SEMA6D: variants seen among roughly 807,000 people sequenced by gnomAD.
The protein encoded by SEMA6D is semaphorin 6D, also known as semaphorin-6D.
A neutral mutation model predicts 106.6 loss-of-function variants in SEMA6D; 35 were observed. The observed-to-expected ratio is 0.33, with a 90% CI of 0.25 to 0.44. The LOEUF is 0.44. Ranked by LOEUF, SEMA6D falls within the 20% of genes least tolerant of loss-of-function variation. The pLI, the probability that SEMA6D is intolerant of heterozygous loss-of-function variation, is 1.00. For synonymous variants in SEMA6D, 499 were observed against 487.7 expected (o/e 1.02, Z -0.31); for missense variants, 1,185 against 1,345.9 (o/e 0.88, Z 1.87).
intron 4 of SEMA6D, among the ~76,000 whole-genome samples, chr15:47,692,069 C>T: frequency 6.6e-6 from 1 of 152,170 alleles, no homozygotes; most frequent in Non-Finnish European, 1.5e-5. Flanking sequence ...GGGAAAAGAG[C>T]CCAGGATGTT....
At chr15:47,746,759 C>T (rs2081152788) in intron 1 of SEMA6D, among the ~76,000 whole-genome samples, 1 of 152,142 alleles carries the variant, frequency 6.6e-6, no homozygotes, top group Non-Finnish European at 1.5e-5. Context: ...TGGGTCATCC[C>T]TTGGAACCTT....
intron 1 of SEMA6D, among the ~76,000 whole-genome samples, chr15:47,222,207 C>T (rs1470721287): frequency 6.6e-6 from 1 of 152,172 alleles, no homozygotes; most frequent in Non-Finnish European, 1.5e-5. Context: ...TCACAAAATA[C>T]ACTTAGGAAT....
chr15:47,224,003 G>C (rs949968419), intron 1 of SEMA6D, among the ~76,000 whole-genome samples: 4 of 151,910 alleles, frequency 2.6e-5, no homozygotes, highest in Admixed American at 6.6e-5. Flanking sequence ...GTTAACAGAA[G>C]AAAAGATGAA....
At chr15:47,636,579 C>T (rs753802937) in intron 4 of SEMA6D, among the ~76,000 whole-genome samples, 3 of 152,174 alleles carry the variant, frequency 2.0e-5, no homozygotes, top group Non-Finnish European at 4.4e-5. Context: ...ATTACCCACA[C>T]CCTAGACATT....
At chr15:47,319,098 A>AG (rs1351867105) in intron 1 of SEMA6D, among the ~76,000 whole-genome samples, 2 of 151,972 alleles carry the variant, frequency 1.3e-5, no homozygotes, top group African/African-American at 2.4e-5. Context: ...AAGCTCAAAG[A>AG]TTGTTTCGTC....
intron 4 of SEMA6D, among the ~76,000 whole-genome samples, chr15:47,689,392 A>G (rs1212058502): frequency 1.3e-5 from 2 of 152,248 alleles, no homozygotes; most frequent in Non-Finnish European, 2.9e-5. Context: ...TCTTTCATAA[A>G]TAAACACATA....
intron 1 of SEMA6D, among the ~76,000 whole-genome samples, chr15:47,383,879 A>G (rs1202237894): frequency 1.3e-5 from 2 of 152,144 alleles, no homozygotes; most frequent in African/African-American, 4.8e-5. Flanking sequence ...ACAATTGTTC[A>G]TTGTTCTCAA....
intron 4 of SEMA6D, among the ~76,000 whole-genome samples, chr15:47,659,846 C>T (rs1370642811): frequency 6.6e-6 from 1 of 151,830 alleles, no homozygotes; most frequent in East Asian, 1.9e-4. Context: ...ATTTTTATAC[C>T]CACAAATTAG....
At position 47,462,595 on chromosome 15, in the gene SEMA6D, A is replaced by G. The variant is rs146374601; in HGVS notation, c.-158-7879A>G. Among the ~76,000 whole-genome samples the G allele has an allele frequency of 1.3e-3, 201 of 152,264 alleles. 1 individual carries two copies. The highest frequency in any genetic ancestry group is 4.7e-3 in the African/African-American group (197 of 41,572). ...ATCAGAGATTAAATCGTTGACTGTA[A>G]TGAACTAGAGTTAAAACTACTAGGT... On this transcript the variant is annotated intron_variant, in intron 2 of 19. Coordinates refer to the SEMA6D transcript ENST00000558014.
chr15:47,405,935 A>G (rs1269877853), intron 1 of SEMA6D, among the ~76,000 whole-genome samples: 2 of 152,232 alleles, frequency 1.3e-5, no homozygotes, highest in Non-Finnish European at 2.9e-5. Context: ...ATATGTATGC[A>G]GAGCCACATG....
chr15:47,306,031 G>C (rs1223489310), intron 1 of SEMA6D, among the ~76,000 whole-genome samples: 2 of 151,698 alleles, frequency 1.3e-5, no homozygotes, highest in Non-Finnish European at 2.9e-5. Context: ...TGCCAGGCTA[G>C]AGTGCAGTGG....
Position 47,187,922 on chromosome 15 carries a change from T to C in SEMA6D, c.-239+3504T>C, listed in dbSNP as rs146169544. 2.8e-3 allele frequency among the ~76,000 whole-genome samples: 430 copies of C among 152,290 alleles called. 3 individuals are homozygous for C. Among genetic ancestry groups the C allele is most frequent in the African/African-American group, 9.9e-3 (411 of 41,586 alleles). On this transcript the variant is annotated intron_variant, in intron 1 of 19. Coordinates refer to the SEMA6D transcript ENST00000558014. ...TTAATAAAATTCACTGAGGAATTTG[T>C]CTTTGACCTTTAAAAGTCCGAGCTG...
At chr15:47,541,689 A>G (rs1014278016) in intron 3 of SEMA6D, among the ~76,000 whole-genome samples, 7 of 152,180 alleles carry the variant, frequency 4.6e-5, no homozygotes, top group Admixed American at 2.0e-4. Context: ...TGATCGGGGG[A>G]ATAGCCCAGC....
intron 1 of SEMA6D, among the ~76,000 whole-genome samples, chr15:47,353,917 A>G (rs914631558): frequency 2.0e-5 from 3 of 152,128 alleles, no homozygotes; most frequent in African/African-American, 4.8e-5. Flanking sequence ...TGTGCAGGCA[A>G]TTATGAAGAA....
rs569641349 is a variant in SEMA6D, at chr15:47,579,341, C to T, written c.-86-21524C>T. On this transcript the variant is annotated intron_variant, in intron 3 of 19. Coordinates refer to the SEMA6D transcript ENST00000558014. ...ATTTTTAGTAGAGACGGGGTTTCTC[C>T]ATGTTAGCCAGGCTGGTCTCGAACT... Among the ~76,000 whole-genome samples, 4 of 152,100 alleles carry T rather than the reference C, an allele frequency of 2.6e-5. No homozygotes were observed. The South Asian group carries it at 8.3e-4, about 32-fold the overall frequency.
intron 1 of SEMA6D, among the ~76,000 whole-genome samples, chr15:47,362,968 G>C (rs1477597984): frequency 6.6e-6 from 1 of 152,074 alleles, no homozygotes; most frequent in Non-Finnish European, 1.5e-5. Flanking sequence ...GACTTTTTTA[G>C]CAAACCTTCC....
intron 1 of SEMA6D, among the ~76,000 whole-genome samples, chr15:47,189,200 C>G (rs986083065): frequency 2.6e-5 from 4 of 151,890 alleles, no homozygotes; most frequent in Non-Finnish European, 5.9e-5. Context: ...ATTCCTCTGT[C>G]TCTCTATCAT....
At chr15:47,404,817 T>C (rs191799189) in intron 1 of SEMA6D, among the ~76,000 whole-genome samples, 118 of 152,300 alleles carry the variant, frequency 7.7e-4, no homozygotes, top group Non-Finnish European at 1.5e-3. Flanking sequence ...ATGCCAGGTA[T>C]TTTGCTCAGT....
intron 4 of SEMA6D, among the ~76,000 whole-genome samples, chr15:47,622,474 G>A (rs1211266188): frequency 6.6e-6 from 1 of 152,142 alleles, no homozygotes; most frequent in Non-Finnish European, 1.5e-5. Flanking sequence ...AAATCTGCAG[G>A]AGTTCAGTTT....
Sources: gnomAD v4.1 joint callset for allele counts (sites outside exome capture counted in the v4.1 genomes callset) on GRCh38, gnomAD v4.1.1 for gene constraint, MANE v1.5 for transcripts, NCBI Gene and HGNC (gene_info 2026-07-23, HGNC 2026-07-21) for gene names.